Variants in PCDHA3 observed in about 807,000 individuals in gnomAD.
PCDHA3 encodes protocadherin alpha-3.
PCDHA3 carries 41 observed loss-of-function variants against 62.2 expected under a neutral mutation model. The ratio of observed to expected loss-of-function variants is 0.66; its 90% CI spans 0.51 to 0.86. PCDHA3 has a LOEUF of 0.86. PCDHA3 is among the 40% of genes least tolerant of loss of function. The pLI, the probability that PCDHA3 is intolerant of heterozygous loss-of-function variation, is 0.00. For missense variants in PCDHA3, 1,304 were observed against 1,241.2 expected (o/e 1.05, Z -0.76); for synonymous variants, 640 against 555.4 (o/e 1.15, Z -2.14).
At chr5:140,967,351 G>C in intron 1 of PCDHA3, 1 of 1,608,106 alleles carries the variant, frequency 6.2e-7, no homozygotes, top group South Asian at 1.1e-5. Context: ...ACTTCGAGCT[G>C]GACCTTAAGC....
At chr5:140,860,216 T>C (rs1554153148) in intron 1 of PCDHA3, 2 of 150,242 alleles carry the variant, frequency 1.3e-5, no homozygotes, top group South Asian at 2.1e-4. Flanking sequence ...TATGTACTTA[T>C]GTATATATAA....
chr5:140,862,633 G>C, intron 1 of PCDHA3: 5 of 537,306 alleles, frequency 9.3e-6, no homozygotes, highest in Non-Finnish European at 1.9e-5. Context: ...GGGCTGCCAC[G>C]ACTTCACAGT....
rs1231696084 is a variant in PCDHA3 at position 140,858,276 on chromosome 5, T to C, written c.2394+54685T>C. The C allele has an allele frequency of 3.1e-6, 5 of 1,594,740 alleles. No individual in the cohort carries two copies. The highest frequency in any genetic ancestry group is 4.3e-6 in the Non-Finnish European group (5 of 1,166,444). On this transcript the variant is annotated intron_variant, in intron 1 of 3. Coordinates refer to ENST00000522353, the MANE Select transcript of PCDHA3 (RefSeq NM_018906.3). ...CCCACGCTGGTGTGCTCTAGCGCGGTGGGGAGCTGGTCTTACTCGCAGCAG... is the reference window on the plus strand; with the variant it reads ...CCCACGCTGGTGTGCTCTAGCGCGGCGGGGAGCTGGTCTTACTCGCAGCAG...
At chr5:140,858,508 T>C (rs1554151704) in intron 1 of PCDHA3, 2 of 1,443,968 alleles carry the variant, frequency 1.4e-6, no homozygotes, top group East Asian at 2.5e-5. Context: ...TTTTCTCAAA[T>C]ATGTATCAGA....
intron 1 of PCDHA3, chr5:140,870,475 G>A (rs1554164304): frequency 1.2e-6 from 2 of 1,614,096 alleles, no homozygotes; most frequent in Admixed American, 1.7e-5. Context: ...CGCACAGCCC[G>A]AGTACACCGT....
Position 140,999,523 on chromosome 5 carries a change from C to A in PCDHA3, c.2543-10104C>A, listed in dbSNP as rs115576128. On this transcript the variant is annotated intron_variant, in intron 3 of 3. Coordinates refer to ENST00000522353, the MANE Select transcript of PCDHA3 (RefSeq NM_018906.3). ...AACCTACATTTTAAGCATTTTGTTA[C>A]CCCCTGGATATGACAGCCAATGAAG... is the stretch of plus-strand genomic sequence containing the variant. Among the ~76,000 whole-genome samples, 464 of 152,142 alleles carry A rather than the reference C, an allele frequency of 3.0e-3. 6 individuals carry two copies. Among genetic ancestry groups the A allele is most frequent in the Middle Eastern group, 0.01 (3 of 294 alleles).
chr5:140,877,661 G>C, intron 1 of PCDHA3: 1 of 1,613,572 alleles, frequency 6.2e-7, no homozygotes. Flanking sequence ...CCCACCGTGA[G>C]CCGGTGCGCG....
At chr5:140,880,764 G>T (rs1438457004) in intron 1 of PCDHA3, among the ~76,000 whole-genome samples, 1 of 152,198 alleles carries the variant, frequency 6.6e-6, no homozygotes, top group Non-Finnish European at 1.5e-5. Context: ...GCGTGTTGGA[G>T]GCTAAAAAGA....
chr5:140,827,601 G>C (rs1237509481), intron 1 of PCDHA3, among the ~76,000 whole-genome samples: 1 of 152,162 alleles, frequency 6.6e-6, no homozygotes, highest in African/African-American at 2.4e-5. Flanking sequence ...ACAGATGTGG[G>C]CAAGTTTCTT....
intron 1 of PCDHA3, chr5:140,850,511 CG>C (rs1562470746): frequency 6.3e-7 from 1 of 1,598,154 alleles, no homozygotes; most frequent in Non-Finnish European, 8.6e-7. Flanking sequence ...TGGTGGAGAG[CG>C]GCCAGGCGCC....
At chr5:140,985,616 G>C in intron 3 of PCDHA3, among the ~76,000 whole-genome samples, 1 of 152,104 alleles carries the variant, frequency 6.6e-6, no homozygotes, top group African/African-American at 2.4e-5. Flanking sequence ...CCGTGAACCA[G>C]CTGTGTATTG....
chr5:140,906,456 G>T (rs527287837), intron 1 of PCDHA3, among the ~76,000 whole-genome samples: 1 of 152,278 alleles, frequency 6.6e-6, no homozygotes, highest in African/African-American at 2.4e-5. Context: ...ATAAAATGAA[G>T]ATATTTTCTT....
In PCDHA3 at chr5:140,875,869, T is replaced by C. The variant is rs2055890630; in HGVS notation, c.2394+72278T>C. ...GGACATTAACGACAACCCGCCGGTG[T>C]TCAGAGAAAGGGAACAAAAGGTACC... On this transcript the variant is annotated intron_variant, in intron 1 of 3. Coordinates refer to ENST00000522353, the MANE Select transcript of PCDHA3 (RefSeq NM_018906.3). 4.3e-6 allele frequency: 7 copies of C among 1,614,170 alleles called. No individual in the cohort carries two copies. The East Asian group carries it at 1.6e-4, about 36-fold the overall frequency.
At chr5:140,986,950 A>C (rs1161887732) in intron 3 of PCDHA3, among the ~76,000 whole-genome samples, 1 of 152,164 alleles carries the variant, frequency 6.6e-6, no homozygotes, top group Admixed American at 6.5e-5. Flanking sequence ...GTGGTCGCTC[A>C]TGCCTGTAAT....
chr5:140,870,709 G>T (rs782475792), intron 1 of PCDHA3: 1 of 1,613,052 alleles, frequency 6.2e-7, no homozygotes, highest in Non-Finnish European at 8.5e-7. Context: ...CCAGGTGAGC[G>T]CGCGCGATGC....
Position 140,884,123 on chromosome 5 carries a change from C to T in PCDHA3, c.2394+80532C>T, listed in dbSNP as rs1360744073. 2.5e-6 allele frequency: 4 copies of T among 1,613,230 alleles called. No homozygotes were observed. The African/African-American group carries it at 4.0e-5, about 16-fold the overall frequency. ...ATTGCAGCTGGCGGCGGTCGGCGCGCGCATCCCGTTCCGCGTGGGGCTGTA... is the reference window on the plus strand; with the variant it reads ...ATTGCAGCTGGCGGCGGTCGGCGCGTGCATCCCGTTCCGCGTGGGGCTGTA... On this transcript the variant is annotated intron_variant, in intron 1 of 3. Coordinates refer to ENST00000522353, the MANE Select transcript of PCDHA3 (RefSeq NM_018906.3).
At chr5:140,966,683 G>A (rs1357691419) in intron 1 of PCDHA3, 1 of 1,331,590 alleles carries the variant, frequency 7.5e-7, no homozygotes. Flanking sequence ...TGGCACGAGC[G>A]GAGGCGGGGC....
At chr5:140,940,499 G>T (rs190058542) in intron 1 of PCDHA3, among the ~76,000 whole-genome samples, 3 of 151,756 alleles carry the variant, frequency 2.0e-5, no homozygotes, top group Non-Finnish European at 4.4e-5. Flanking sequence ...GTCTTGCTCC[G>T]TCGCTCAGGC....
chr5:140,926,424 G>A (rs894649962), intron 1 of PCDHA3: 2 of 153,468 alleles, frequency 1.3e-5, no homozygotes, highest in African/African-American at 4.8e-5. Context: ...AGAGGATGTG[G>A]AGGTTAAGAT....
Sources: gnomAD v4.1 joint callset for allele counts (sites outside exome capture counted in the v4.1 genomes callset) on GRCh38, gnomAD v4.1.1 for gene constraint, MANE v1.5 for transcripts, NCBI Gene and HGNC (gene_info 2026-07-23, HGNC 2026-07-21) for gene names.